CRYBG1: variants seen among roughly 807,000 people sequenced by gnomAD.
CRYBG1 encodes crystallin beta-gamma domain containing 1, also known as beta/gamma crystallin domain-containing protein 1.
CRYBG1 carries 139 observed loss-of-function variants against 189.2 expected under a neutral mutation model. The ratio of observed to expected loss-of-function variants is 0.73; its 90% CI spans 0.64 to 0.85. CRYBG1 has a LOEUF of 0.85. Among genes scored for constraint, CRYBG1 ranks in the 40% least tolerant of loss-of-function variants. CRYBG1 has a pLI of 0.00. For missense variants in CRYBG1, 2,611 were observed against 2,675.8 expected, an observed-to-expected ratio of 0.98 and a Z score of 0.53; for synonymous variants, 1,023 against 1,017.1, an observed-to-expected ratio of 1.01 and a Z score of -0.11.
intron 15 of CRYBG1, chr6:106,552,451 T>C: frequency 4.4e-6 from 1 of 227,022 alleles, no homozygotes; most frequent in Non-Finnish European, 8.5e-6. Context: ...CTGGGTGTGG[T>C]GGCTTGTGTC....
rs114614951 is a variant in CRYBG1 at position 106,505,082 on chromosome 6, C to A, written c.313-6348C>A. ...CTCCGGCACAGGACAACAGGCATGC[C>A]CCACCTCACCTGGCTAACTTTTTTT... On this transcript the variant is annotated intron_variant, in intron 2 of 21. Coordinates refer to ENST00000633556, the MANE Select transcript of CRYBG1 (RefSeq NM_001371242.2). 6.9e-3 allele frequency among the ~76,000 whole-genome samples: 1,046 copies of A among 151,828 alleles called. 10 individuals are homozygous for A. Among genetic ancestry groups the A allele is most frequent in the African/African-American group, 0.024 (993 of 41,386 alleles).
chr6:106,401,079 G>T (rs190594885), intron 1 of CRYBG1, among the ~76,000 whole-genome samples: 85 of 152,258 alleles, frequency 5.6e-4, no homozygotes, highest in African/African-American at 2.0e-3. Flanking sequence ...TCATCCAATG[G>T]CTTTTGGGTC....
Position 106,524,796 on chromosome 6 carries a change from C to T in CRYBG1, c.4246-337C>T, listed in dbSNP as rs77077365. 4.6e-3 allele frequency among the ~76,000 whole-genome samples: 700 copies of T among 152,200 alleles called. 26 individuals are homozygous for T. The East Asian group carries it at 0.082, about 18-fold the overall frequency. ...TAATTTATCTTTATTTGAGATGATA[C>T]TGATATTATTTGAATTAGAATCTCT... On this transcript the variant is annotated intron_variant, in intron 4 of 21. Transcript: ENST00000633556.
At chr6:106,387,663 C>T (rs803529) in intron 1 of CRYBG1, among the ~76,000 whole-genome samples, 6 of 152,106 alleles carry the variant, frequency 3.9e-5, no homozygotes, top group South Asian at 4.1e-4. Context: ...GGTTTAACAA[C>T]GGGTTAACTC....
At chr6:106,362,039 C>T (rs1360506625) in intron 1 of CRYBG1, among the ~76,000 whole-genome samples, 2 of 147,014 alleles carry the variant, frequency 1.4e-5, no homozygotes, top group Admixed American at 6.9e-5. Flanking sequence ...GGCCCAATCC[C>T]GGCTCACTGC....
chr6:106,468,874 T>C (rs1040082798), intron 2 of CRYBG1, among the ~76,000 whole-genome samples: 1 of 152,232 alleles, frequency 6.6e-6, no homozygotes, highest in African/African-American at 2.4e-5. Flanking sequence ...TTGGTCTTCT[T>C]GCCCCCTTCT....
chr6:106,411,474 T>C (rs1410629000), intron 1 of CRYBG1, among the ~76,000 whole-genome samples: 1 of 152,236 alleles, frequency 6.6e-6, no homozygotes, highest in African/African-American at 2.4e-5. Flanking sequence ...TGTATCTACA[T>C]AGACTTTGGG....
At chr6:106,541,540 A>G (rs145918620) in intron 9 of CRYBG1, 46 bp from the exon 10 acceptor site, 3 of 1,569,248 alleles carry the variant, frequency 1.9e-6, no homozygotes, top group Non-Finnish European at 2.6e-6. Flanking sequence ...TAAAATGGTA[A>G]TGTATCAGTG....
At chr6:106,444,639 A>G (rs1771630177) in intron 1 of CRYBG1, among the ~76,000 whole-genome samples, 2 of 152,202 alleles carry the variant, frequency 1.3e-5, no homozygotes, top group African/African-American at 2.4e-5. Context: ...CAAAATCAAC[A>G]TACTAGTGGT....
intron 2 of CRYBG1, among the ~76,000 whole-genome samples, chr6:106,479,690 T>C (rs116676148): frequency 0.02 from 2,994 of 152,334 alleles, 105 homozygotes; most frequent in African/African-American, 0.069. Context: ...TTGAGCATCT[T>C]TTTATATGCT....
At chr6:106,382,756 T>C (rs545803119) in intron 1 of CRYBG1, among the ~76,000 whole-genome samples, 2 of 152,186 alleles carry the variant, frequency 1.3e-5, no homozygotes, top group African/African-American at 4.8e-5. Flanking sequence ...AAAAGCCAAG[T>C]GTTTGGAAAT....
At chr6:106,558,132 T>A (rs1192172775) in intron 17 of CRYBG1, among the ~76,000 whole-genome samples, 2 of 145,512 alleles carry the variant, frequency 1.4e-5, no homozygotes, top group Non-Finnish European at 3.0e-5. Context: ...GGCAATTATG[T>A]CCATGACTTT....
chr6:106,520,998 A>C lies in CRYBG1; in HGVS notation c.3790A>C (p.Asn1264His). ...KIFSPSVTSV[N>H]TMTTAFSTSQ... ...CTTTTCTCCTTCTGTGACATCAGTC[A>C]ACACTATGACCACGGCTTTCAGTAC... The change falls in exon 4 of 22, where the codon AAC (asparagine) becomes CAC (histidine). Residue 1264 changes from asparagine to histidine, a missense_variant. Physicochemically the swap from Asn to His is moderately conservative, Grantham distance 68. Transcript: ENST00000633556. 1.2e-6 allele frequency: 2 copies of C among 1,614,190 alleles called. No homozygotes were observed. The highest frequency in any genetic ancestry group is 2.2e-5 in the South Asian group (2 of 91,086).
chr6:106,507,410 T>C (rs1056095324), intron 2 of CRYBG1, among the ~76,000 whole-genome samples: 1 of 152,134 alleles, frequency 6.6e-6, no homozygotes, highest in African/African-American at 2.4e-5. Flanking sequence ...GGACCCAGGA[T>C]TGCATGTGCT....
At chr6:106,413,106 A>T (rs1241212074) in intron 1 of CRYBG1, among the ~76,000 whole-genome samples, 5 of 152,162 alleles carry the variant, frequency 3.3e-5, no homozygotes, top group Non-Finnish European at 1.5e-5. Flanking sequence ...AACCTCTGTC[A>T]TGAAGTGGCC....
At chr6:106,516,843 C>T (rs1484540923) in intron 3 of CRYBG1, among the ~76,000 whole-genome samples, 21 of 152,026 alleles carry the variant, frequency 1.4e-4, no homozygotes, top group Admixed American at 1.4e-3. Context: ...CAGGGAGTTA[C>T]TTCTCAACAC....
intron 1 of CRYBG1, among the ~76,000 whole-genome samples, chr6:106,433,354 A>T (rs1402520224): frequency 5.9e-5 from 9 of 152,110 alleles, no homozygotes; most frequent in Non-Finnish European, 2.9e-5. Context: ...AGGAGACTAG[A>T]AGCTGTTTGG....
At chr6:106,455,701 G>A (rs1036549071) in intron 2 of CRYBG1, among the ~76,000 whole-genome samples, 9 of 151,612 alleles carry the variant, frequency 5.9e-5, no homozygotes, top group African/African-American at 1.7e-4. Context: ...AATTATTCTC[G>A]CCTCACATTC....
chr6:106,565,321 A>AAG (rs1491537822), intron 21 of CRYBG1, among the ~76,000 whole-genome samples: 2 of 1,472 alleles, frequency 1.4e-3, no homozygotes, highest in African/African-American at 1.4e-3. Context: ...ACTTCGTCTC[A>AAG]AAAAAAAAAA....
Sources: gnomAD v4.1 joint callset for allele counts (sites outside exome capture counted in the v4.1 genomes callset) on GRCh38, gnomAD v4.1.1 for gene constraint, MANE v1.5 for transcripts, NCBI Gene and HGNC (gene_info 2026-07-23, HGNC 2026-07-21) for gene names.